The following ZMAT4 variants were observed in gnomAD, a reference collection of about 807,000 sequenced individuals.
The protein encoded by ZMAT4 is zinc finger matrin-type protein 4.
In ZMAT4, 17 loss-of-function variants were observed where a neutral mutation model predicts 28.7. The ratio of observed to expected loss-of-function variants is 0.59; its 90% CI spans 0.41 to 0.89. The LOEUF is 0.89. Ranked by LOEUF, ZMAT4 falls within the 40% of genes least tolerant of loss-of-function variation. ZMAT4 has a pLI of 0.00. For synonymous variants in ZMAT4, 117 were observed against 109.2 expected (o/e 1.07, Z -0.44); for missense variants, 240 against 283.8 (o/e 0.85, Z 1.11).
At chr8:40,814,086 G>C (rs144872615) in intron 2 of ZMAT4, among the ~76,000 whole-genome samples, 1 of 151,896 alleles carries the variant, frequency 6.6e-6, no homozygotes, top group Non-Finnish European at 1.5e-5. Context: ...GTGCAGTTAC[G>C]CATTCGTAGG....
chr8:40,583,466 C>G (rs1804560829), intron 5 of ZMAT4, among the ~76,000 whole-genome samples: 1 of 152,122 alleles, frequency 6.6e-6, no homozygotes, highest in African/African-American at 2.4e-5. Flanking sequence ...TGAAAGTGTT[C>G]ACCTGGCTAA....
chr8:40,540,109 G>A (rs182601810), intron 6 of ZMAT4, among the ~76,000 whole-genome samples: 5 of 152,330 alleles, frequency 3.3e-5, no homozygotes, highest in Non-Finnish European at 2.9e-5. Flanking sequence ...TGATGAGGGA[G>A]TATTGTGTCT....
intron 4 of ZMAT4, among the ~76,000 whole-genome samples, chr8:40,683,089 C>T (rs1809246299): frequency 6.6e-6 from 1 of 152,166 alleles, no homozygotes; most frequent in African/African-American, 2.4e-5. Flanking sequence ...GTACCTAGAA[C>T]TGGGCTTGGC....
At chr8:40,639,554 G>C (rs1198415308) in intron 5 of ZMAT4, among the ~76,000 whole-genome samples, 1 of 151,866 alleles carries the variant, frequency 6.6e-6, no homozygotes, top group Admixed American at 6.6e-5. Context: ...AAGTAAAGTT[G>C]GATTTTTCCA....
At chr8:40,633,411 A>G (rs1239687569) in intron 5 of ZMAT4, among the ~76,000 whole-genome samples, 1 of 152,182 alleles carries the variant, frequency 6.6e-6, no homozygotes, top group Non-Finnish European at 1.5e-5. Flanking sequence ...CAGAGAGAGG[A>G]TATGATGTAG....
chr8:40,862,824 G>A (rs1043299745), intron 1 of ZMAT4, among the ~76,000 whole-genome samples: 3 of 151,784 alleles, frequency 2.0e-5, no homozygotes, highest in Non-Finnish European at 4.4e-5. Context: ...CCTGTCATGC[G>A]GTGGGGGGAG....
intron 5 of ZMAT4, among the ~76,000 whole-genome samples, chr8:40,647,418 G>A (rs1450558869): frequency 6.6e-6 from 1 of 152,216 alleles, no homozygotes; most frequent in Non-Finnish European, 1.5e-5. Context: ...CTGGCTCGGA[G>A]GGTCCTACAC....
At chr8:40,860,073 C>G (rs923357378) in intron 1 of ZMAT4, among the ~76,000 whole-genome samples, 1 of 152,182 alleles carries the variant, frequency 6.6e-6, no homozygotes. Flanking sequence ...GTGCCTGGAG[C>G]AAGACATAGA....
intron 2 of ZMAT4, among the ~76,000 whole-genome samples, chr8:40,816,101 C>G (rs1216042018): frequency 2.0e-5 from 3 of 152,304 alleles, no homozygotes; most frequent in African/African-American, 7.2e-5. Flanking sequence ...TTTCATTTTC[C>G]TCCTGGGCAT....
At chr8:40,824,125 G>A (rs531174899) in intron 2 of ZMAT4, among the ~76,000 whole-genome samples, 1 of 152,262 alleles carries the variant, frequency 6.6e-6, no homozygotes, top group South Asian at 2.1e-4. Context: ...AGGAATCTGA[G>A]GCCCAGAGGA....
chr8:40,897,341 G>T (rs1818911785), intron 1 of ZMAT4, among the ~76,000 whole-genome samples: 1 of 152,094 alleles, frequency 6.6e-6, no homozygotes. Flanking sequence ...TATCCATGAT[G>T]GGTGCACCAG....
intron 1 of ZMAT4, among the ~76,000 whole-genome samples, chr8:40,861,001 C>T (rs1385961744): frequency 2.0e-5 from 3 of 152,208 alleles, no homozygotes; most frequent in South Asian, 2.1e-4. Flanking sequence ...TCAAGGAAGC[C>T]TGTGCTGACC....
At chr8:40,770,586 C>A (rs1366157579) in intron 2 of ZMAT4, among the ~76,000 whole-genome samples, 1 of 128,352 alleles carries the variant, frequency 7.8e-6, no homozygotes, top group Non-Finnish European at 1.6e-5. Flanking sequence ...CTCGTTCTGT[C>A]GCCCAGGCTG....
intron 1 of ZMAT4, among the ~76,000 whole-genome samples, chr8:40,882,322 GCTTTCAGAGTTTC>G (rs1406513896): frequency 6.6e-6 from 1 of 152,138 alleles, no homozygotes; most frequent in African/African-American, 2.4e-5. Context: ...GGTTCTAGAA[GCTTTCAGAGTTTC>G]CTTTCCAGGA....
At chr8:40,838,400 T>C (rs972340350) in intron 1 of ZMAT4, among the ~76,000 whole-genome samples, 1 of 152,156 alleles carries the variant, frequency 6.6e-6, no homozygotes, top group Admixed American at 6.5e-5. Flanking sequence ...TGGAGTGCAG[T>C]GGCATGATCA....
chr8:40,647,763 T>A (rs1177566335), intron 5 of ZMAT4, among the ~76,000 whole-genome samples: 2 of 152,160 alleles, frequency 1.3e-5, no homozygotes, highest in African/African-American at 4.8e-5. Context: ...AGTGGGACCC[T>A]GACCCCTGAC....
intron 6 of ZMAT4, among the ~76,000 whole-genome samples, chr8:40,577,067 G>T (rs1275338358): frequency 6.6e-6 from 1 of 152,066 alleles, no homozygotes; most frequent in East Asian, 1.9e-4. Context: ...TATGGTGGAT[G>T]CCTGTAATCT....
At chr8:40,558,567 CTG>C (rs1386841479) in intron 6 of ZMAT4, among the ~76,000 whole-genome samples, 1 of 151,946 alleles carries the variant, frequency 6.6e-6, no homozygotes, top group Non-Finnish European at 1.5e-5. Context: ...CCTTGAGAAA[CTG>C]GATAAAAATA....
At chr8:40,650,111 C>A (rs1446364825) in intron 5 of ZMAT4, among the ~76,000 whole-genome samples, 1 of 152,018 alleles carries the variant, frequency 6.6e-6, no homozygotes, top group African/African-American at 2.4e-5. Context: ...CACAAAAAAC[C>A]CTTCAAAAAG....
Sources: gnomAD v4.1 joint callset for allele counts (sites outside exome capture counted in the v4.1 genomes callset) on GRCh38, gnomAD v4.1.1 for gene constraint, MANE v1.5 for transcripts, NCBI Gene and HGNC (gene_info 2026-07-23, HGNC 2026-07-21) for gene names.